Variants in ADGRL3 observed in about 807,000 individuals in gnomAD.
ADGRL3 encodes the protein calcium-independent alpha-latrotoxin receptor 3.
In ADGRL3, 62 loss-of-function variants were observed where a neutral mutation model predicts 153.5. The observed-to-expected ratio is 0.40, with a 90% confidence interval of 0.33 to 0.50. The LOEUF is 0.50. Among genes scored for constraint, ADGRL3 ranks in the 20% least tolerant of loss-of-function variants. ADGRL3 has a pLI of 0.47. For missense variants in ADGRL3, 1,641 were observed against 1,859.4 expected (o/e 0.88, Z 2.16); for synonymous variants, 710 against 672.5 (o/e 1.06, Z -0.86).
intron 1 of ADGRL3, among the ~76,000 whole-genome samples, chr4:61,380,865 A>G (rs887347712): frequency 2.6e-5 from 4 of 152,158 alleles, no homozygotes; most frequent in Middle Eastern, 3.4e-3. Context: ...TTTCTTAATT[A>G]CAAAAGAAAT....
intron 4 of ADGRL3, among the ~76,000 whole-genome samples, chr4:61,525,423 GA>G (rs1405902389): frequency 6.6e-6 from 1 of 152,206 alleles, no homozygotes; most frequent in East Asian, 1.9e-4. Context: ...AGTGAGACAG[GA>G]AGTTTGAAAG....
At chr4:61,802,785 T>TA (rs11412108) in intron 8 of ADGRL3, among the ~76,000 whole-genome samples, 11,482 of 151,934 alleles carry the variant, frequency 0.076, 827 homozygotes, top group African/African-American at 0.19. Context: ...TATGACACAA[T>TA]AAAAAAAACT....
chr4:61,971,504 T>G (rs2099027500), intron 17 of ADGRL3, among the ~76,000 whole-genome samples: 1 of 152,190 alleles, frequency 6.6e-6, no homozygotes, highest in Non-Finnish European at 1.5e-5. Flanking sequence ...TTTTTATGGC[T>G]GCATAGTATT....
intron 25 of ADGRL3, among the ~76,000 whole-genome samples, chr4:62,045,326 A>C (rs1348370086): frequency 6.6e-6 from 1 of 151,960 alleles, no homozygotes; most frequent in Non-Finnish European, 1.5e-5. Flanking sequence ...TAGATGCAAC[A>C]TTTGTGGAGA....
intron 2 of ADGRL3, among the ~76,000 whole-genome samples, chr4:61,460,339 G>T (rs564714247): frequency 6.6e-6 from 1 of 151,900 alleles, no homozygotes; most frequent in East Asian, 1.9e-4. Flanking sequence ...TTTCCCCAAC[G>T]TATATACAGT....
chr4:61,316,187 TG>T (rs2095206593), intron 1 of ADGRL3, among the ~76,000 whole-genome samples: 1 of 152,186 alleles, frequency 6.6e-6, no homozygotes, highest in Non-Finnish European at 1.5e-5. Flanking sequence ...AAATTAGATT[TG>T]GAATAAGGCC....
At chr4:62,036,329 T>C (rs1490863856) in intron 23 of ADGRL3, among the ~76,000 whole-genome samples, 1 of 152,024 alleles carries the variant, frequency 6.6e-6, no homozygotes, top group East Asian at 1.9e-4. Flanking sequence ...AGCCACTCTT[T>C]TGAAGACTTT....
At chr4:61,237,900 G>A (rs1262635845) in intron 1 of ADGRL3, among the ~76,000 whole-genome samples, 1 of 152,096 alleles carries the variant, frequency 6.6e-6, no homozygotes, top group African/African-American at 2.4e-5. Context: ...ATACACTGCC[G>A]GGTAACTTTT....
intron 6 of ADGRL3, among the ~76,000 whole-genome samples, chr4:61,722,622 AAATT>A (rs1294331423): frequency 1.3e-5 from 2 of 152,176 alleles, no homozygotes; most frequent in African/African-American, 4.8e-5. Flanking sequence ...ACAAAAAATA[AAATT>A]AATTGTAGAA....
rs200393934 is a variant in ADGRL3, at chr4:61,792,496, A to ATT, written c.1400-21302_1400-21301dup. Among the ~76,000 whole-genome samples, 10 of 115,796 alleles carry ATT rather than the reference A, an allele frequency of 8.6e-5. No homozygotes were observed. The East Asian group carries it at 1.2e-3, about 14-fold the overall frequency. 76.0% of individuals were successfully genotyped at this position (115,796 alleles called of 152,430 possible). ...TATTTATTTATTTATTTATTTTATT[A>ATT]TTTTTTTTTTTTGAGACCGAGTCTC... On this transcript the variant is annotated intron_variant, in intron 8 of 26. Transcript: ENST00000683033.
At chr4:61,387,342 A>G (rs1349998535) in intron 2 of ADGRL3, among the ~76,000 whole-genome samples, 2 of 152,164 alleles carry the variant, frequency 1.3e-5, no homozygotes, top group African/African-American at 2.4e-5. Flanking sequence ...TTTGGGCACC[A>G]TTGTCATTGA....
At chr4:61,696,559 T>G (rs1343422084) in intron 6 of ADGRL3, among the ~76,000 whole-genome samples, 1 of 152,048 alleles carries the variant, frequency 6.6e-6, no homozygotes, top group Non-Finnish European at 1.5e-5. Flanking sequence ...ATTTCAAAAT[T>G]CTACCTACCA....
intron 4 of ADGRL3, among the ~76,000 whole-genome samples, chr4:61,537,796 C>A (rs2098666043): frequency 6.6e-6 from 1 of 152,164 alleles, no homozygotes; most frequent in Non-Finnish European, 1.5e-5. Flanking sequence ...TCAAGTATTT[C>A]CATTTTAATA....
At chr4:61,274,249 G>T (rs974435088) in intron 1 of ADGRL3, among the ~76,000 whole-genome samples, 2 of 152,120 alleles carry the variant, frequency 1.3e-5, no homozygotes, top group Non-Finnish European at 2.9e-5. Flanking sequence ...ATCTCTAACA[G>T]TTTAATGAGC....
At chr4:61,930,345 G>C (rs2098812842) in intron 13 of ADGRL3, among the ~76,000 whole-genome samples, 1 of 152,090 alleles carries the variant, frequency 6.6e-6, no homozygotes, top group Non-Finnish European at 1.5e-5. Context: ...TGCTTACCTG[G>C]ATAAGAAGTG....
intron 13 of ADGRL3, among the ~76,000 whole-genome samples, chr4:61,925,304 T>C (rs1409877462): frequency 6.6e-6 from 1 of 152,194 alleles, no homozygotes; most frequent in African/African-American, 2.4e-5. Flanking sequence ...TTACTTCATT[T>C]GCCCCTCTAT....
intron 1 of ADGRL3, among the ~76,000 whole-genome samples, chr4:61,252,695 T>G (rs959120767): frequency 2.0e-5 from 3 of 152,010 alleles, no homozygotes; most frequent in Non-Finnish European, 4.4e-5. Flanking sequence ...ATGAACTTTT[T>G]TTTTTTTTTA....
chr4:61,409,497 A>T (rs912101448), intron 2 of ADGRL3, among the ~76,000 whole-genome samples: 2 of 147,852 alleles, frequency 1.4e-5, no homozygotes, highest in Non-Finnish European at 3.0e-5. Context: ...TTCTTTTCTG[A>T]TGTTTAAAAA....
intron 9 of ADGRL3, among the ~76,000 whole-genome samples, chr4:61,826,144 C>G (rs2097798109): frequency 6.6e-6 from 1 of 151,836 alleles, no homozygotes; most frequent in Non-Finnish European, 1.5e-5. Context: ...ATTGATTAAA[C>G]AGTCAAGATT....
Sources: gnomAD v4.1 joint callset for allele counts (sites outside exome capture counted in the v4.1 genomes callset) on GRCh38, gnomAD v4.1.1 for gene constraint, MANE v1.5 for transcripts, NCBI Gene and HGNC (gene_info 2026-07-23, HGNC 2026-07-21) for gene names.